INPP4A: variants seen among roughly 807,000 people sequenced by gnomAD.
The protein encoded by INPP4A is inositol polyphosphate-4-phosphatase, type I, 107kD.
Under a neutral mutation model 119.8 loss-of-function variants are expected in INPP4A, and 33 were observed. The ratio of observed to expected loss-of-function variants is 0.28; its 90% CI spans 0.21 to 0.37. The LOEUF (loss-of-function observed/expected upper bound fraction) is 0.37, where lower values mean the gene tolerates loss of function less well. INPP4A is among the 10% of genes least tolerant of loss of function. The pLI, the probability that INPP4A is intolerant of heterozygous loss-of-function variation, is 1.00. For missense variants in INPP4A, 956 were observed against 1,289.9 expected (o/e 0.74, Z 3.97); for synonymous variants, 496 against 500.7 (o/e 0.99, Z 0.12).
chr2:98,474,618 T>C (rs1242411430), intron 1 of INPP4A, among the ~76,000 whole-genome samples: 1 of 152,166 alleles, frequency 6.6e-6, no homozygotes. Flanking sequence ...CCTGGGCCTT[T>C]GTTGTACCTT....
intron 7 of INPP4A, 26 bp downstream of exon 7, chr2:98,536,234 A>T: frequency 7.0e-7 from 1 of 1,421,900 alleles, no homozygotes; most frequent in Admixed American, 1.7e-5. Context: ...TATTCCCTTG[A>T]AAGGATCTGG....
At chr2:98,529,463 G>A (rs1016307739) in intron 4 of INPP4A, among the ~76,000 whole-genome samples, 20 of 152,268 alleles carry the variant, frequency 1.3e-4, no homozygotes, top group South Asian at 6.2e-4. Context: ...TGGGCTGGGC[G>A]CAATAGCTCA....
intron 1 of INPP4A, among the ~76,000 whole-genome samples, chr2:98,510,889 G>A (rs1196451915): frequency 6.6e-6 from 1 of 152,182 alleles, no homozygotes; most frequent in Non-Finnish European, 1.5e-5. Flanking sequence ...CATTGCCATT[G>A]CTGCCTGTCC....
At chr2:98,470,945 C>T (rs145679257) in intron 1 of INPP4A, among the ~76,000 whole-genome samples, 6 of 152,314 alleles carry the variant, frequency 3.9e-5, no homozygotes, top group Admixed American at 6.5e-5. Context: ...GGATTACATG[C>T]GTGAGCCACC....
intron 1 of INPP4A, among the ~76,000 whole-genome samples, chr2:98,452,354 A>G (rs567694570): frequency 1.1e-4 from 17 of 152,192 alleles, no homozygotes; most frequent in Middle Eastern, 3.4e-3. Context: ...AGTGGATCCT[A>G]CCCCACCCAC....
At chr2:98,502,427 G>A (rs1683297642) in intron 1 of INPP4A, among the ~76,000 whole-genome samples, 1 of 152,040 alleles carries the variant, frequency 6.6e-6, no homozygotes, top group Admixed American at 6.6e-5. Flanking sequence ...TTATTTCCCA[G>A]CTACCAAGAG....
chr2:98,573,022 A>G (rs1697760168), intron 23 of INPP4A, 95 bp downstream of exon 23: 1 of 918,142 alleles, frequency 1.1e-6, no homozygotes, highest in Non-Finnish European at 1.7e-6. Context: ...GCAGGAGAGC[A>G]GAGCTCTCCA....
intron 13 of INPP4A, among the ~76,000 whole-genome samples, chr2:98,549,260 A>G (rs754399966): frequency 9.9e-5 from 15 of 152,190 alleles, no homozygotes; most frequent in Non-Finnish European, 1.9e-4. Flanking sequence ...GGCCCGACCC[A>G]GGAAGCCCCT....
At chr2:98,510,880 A>G (rs1465111396) in intron 1 of INPP4A, among the ~76,000 whole-genome samples, 1 of 152,200 alleles carries the variant, frequency 6.6e-6, no homozygotes, top group Admixed American at 6.5e-5. Flanking sequence ...AAGTTAACTC[A>G]TTGCCATTGC....
intron 17 of INPP4A, among the ~76,000 whole-genome samples, chr2:98,560,946 G>C (rs1182981896): frequency 6.6e-6 from 1 of 152,216 alleles, no homozygotes; most frequent in Admixed American, 6.5e-5. Context: ...TGTGTCAGCT[G>C]GGACATTTCC....
At chr2:98,445,961 G>A (rs886886569) in intron 1 of INPP4A, among the ~76,000 whole-genome samples, 1 of 152,238 alleles carries the variant, frequency 6.6e-6, no homozygotes, top group Non-Finnish European at 1.5e-5. Context: ...CTGCCCCTCA[G>A]GGCATTTAAA....
At chr2:98,465,904 C>A (rs1674670865) in intron 1 of INPP4A, among the ~76,000 whole-genome samples, 1 of 152,178 alleles carries the variant, frequency 6.6e-6, no homozygotes, top group Admixed American at 6.5e-5. Flanking sequence ...CGCCCTCCCC[C>A]TTCCTCTCTG....
intron 1 of INPP4A, among the ~76,000 whole-genome samples, chr2:98,475,458 G>T (rs1292314588): frequency 6.6e-6 from 1 of 152,188 alleles, no homozygotes; most frequent in Non-Finnish European, 1.5e-5. Flanking sequence ...TGACCAACCA[G>T]GATGACAGAT....
At chr2:98,472,776 C>T (rs1279201978) in intron 1 of INPP4A, among the ~76,000 whole-genome samples, 1 of 152,254 alleles carries the variant, frequency 6.6e-6, no homozygotes, top group African/African-American at 2.4e-5. Context: ...CATTGGGGCC[C>T]AGAAAGGGCA....
At chr2:98,476,749 T>C (rs1195376299) in intron 1 of INPP4A, among the ~76,000 whole-genome samples, 2 of 152,210 alleles carry the variant, frequency 1.3e-5, no homozygotes, top group African/African-American at 4.8e-5. Flanking sequence ...CTTGCCTCCC[T>C]TCCTGTCTTC....
chr2:98,576,924 G>A (rs1698515366), intron 23 of INPP4A, 65 bp from the exon 24 acceptor site: 3 of 1,558,422 alleles, frequency 1.9e-6, no homozygotes, highest in Admixed American at 3.5e-5. Context: ...CCTTTCCTGT[G>A]TGTGAAGGGT....
At chr2:98,445,323 A>C (rs1221108493) in intron 1 of INPP4A, among the ~76,000 whole-genome samples, 1 of 152,102 alleles carries the variant, frequency 6.6e-6, no homozygotes, top group African/African-American at 2.4e-5. Flanking sequence ...CCGCCCCAGC[A>C]GGGAGCCGGG....
Position 98,554,630 on chromosome 2 carries a change from C to T in INPP4A, c.1566+141C>T, listed in dbSNP as rs1575062021. Reference sequence around the variant, plus strand: ...CTCCAGGTTTCCTTCCTGGATGGCTCCTTGGCTCCTGATGCAGGGAGGGAG... The same window carrying T: ...CTCCAGGTTTCCTTCCTGGATGGCTTCTTGGCTCCTGATGCAGGGAGGGAG... On this transcript the variant is annotated intron_variant, in intron 15 of 24. Coordinates refer to ENST00000409851, the MANE Select transcript of INPP4A (RefSeq NM_001134225.2). The surrounding 1 kb of genome is among the most constrained non-coding windows in gnomAD (Gnocchi z 4.7). 2.8e-6 allele frequency: 2 copies of T among 712,318 alleles called. No individual in the cohort carries two copies. The highest frequency in any genetic ancestry group is 3.6e-5 in the South Asian group (2 of 55,252). 44.1% of individuals were successfully genotyped at this position (712,318 alleles called of 1,614,324 possible). A position where few individuals can be genotyped will look rare whatever the true frequency, so the allele number is the denominator to read the frequency against.
At chr2:98,532,465 G>A (rs1379700780) in intron 4 of INPP4A, among the ~76,000 whole-genome samples, 1 of 152,108 alleles carries the variant, frequency 6.6e-6, no homozygotes, top group Non-Finnish European at 1.5e-5. Flanking sequence ...ATACAGTTTG[G>A]TGGCATTAAG....
Sources: gnomAD v4.1 joint callset for allele counts (sites outside exome capture counted in the v4.1 genomes callset) on GRCh38, gnomAD v4.1.1 for gene constraint, Gnocchi (gnomAD v3.1) non-coding constraint, MANE v1.5 for transcripts, NCBI Gene and HGNC (gene_info 2026-07-23, HGNC 2026-07-21) for gene names.